Variants in HIRA observed in about 807,000 individuals in gnomAD.
HIRA encodes the protein histone cell cycle regulator.
HIRA carries 13 observed loss-of-function variants against 126.6 expected under a neutral mutation model. The ratio of observed to expected loss-of-function variants is 0.10; its 90% CI spans 0.07 to 0.16. HIRA has a LOEUF of 0.16. Ranked by LOEUF, HIRA falls within the 10% of genes least tolerant of loss-of-function variation. The probability of loss-of-function intolerance (pLI) is 1.00; values close to 1 mark genes in which losing one functional copy is unlikely to be tolerated. For synonymous variants in HIRA, 511 were observed against 520.0 expected (o/e 0.98, Z 0.24); for missense variants, 834 against 1,314.4 (o/e 0.63, Z 5.65).
intron 2 of HIRA, among the ~76,000 whole-genome samples, chr22:19,410,512 A>G (rs2146244662): frequency 6.6e-6 from 1 of 152,384 alleles, no homozygotes; most frequent in African/African-American, 2.4e-5. Flanking sequence ...ATCCGCTGCC[A>G]AAATACTTAC....
chr22:19,391,408 T>C (rs1300105038), intron 9 of HIRA, among the ~76,000 whole-genome samples: 2 of 152,022 alleles, frequency 1.3e-5, no homozygotes, highest in African/African-American at 2.4e-5. Context: ...ATGACACTGG[T>C]GTGTAAACAT....
chr22:19,350,529 T>G (rs1166677815), intron 24 of HIRA, among the ~76,000 whole-genome samples: 1 of 152,244 alleles, frequency 6.6e-6, no homozygotes, highest in African/African-American at 2.4e-5. Context: ...TCAAATCTTA[T>G]TGGTTCTGCC....
In HIRA at chr22:19,431,570, A is replaced by G. The variant is rs8140291; in HGVS notation, c.-94T>C. On this transcript the variant is annotated 5_prime_UTR_variant, in exon 1 of 25. Transcript: ENST00000263208. ...CACCGCCGCCGCTTCCTCCCGCGCC[A>G]CCCGCCCTCCGGCCGCCGCCCGCCC... 989,029 of 989,298 alleles carry G rather than the reference A, an allele frequency of 1. 494,380 individuals carry two copies. The highest frequency in any genetic ancestry group is 1 in the East Asian group (10,020 of 10,020). The allele number at this position is 989,298 out of a possible 1,614,324, so 61.3% of individuals were successfully genotyped here. A position where few individuals can be genotyped will look rare whatever the true frequency, so the allele number is the denominator to read the frequency against.
chr22:19,349,428 A>G (rs2088729958), intron 24 of HIRA, among the ~76,000 whole-genome samples: 1 of 152,160 alleles, frequency 6.6e-6, no homozygotes, highest in African/African-American at 2.4e-5. Flanking sequence ...AAAAGAGAGG[A>G]TATTACATCT....
At chr22:19,383,126 G>T (rs2089091599) in intron 13 of HIRA, among the ~76,000 whole-genome samples, 1 of 152,054 alleles carries the variant, frequency 6.6e-6, no homozygotes, top group African/African-American at 2.4e-5. Flanking sequence ...GGATGAATGG[G>T]CATGAAACAG....
In HIRA at chr22:19,354,114, G is replaced by T; in HGVS notation, c.2566C>A (p.Leu856Met). 1 of 1,612,648 alleles carries T rather than the reference G, an allele frequency of 6.2e-7. No homozygotes were observed. Among genetic ancestry groups the T allele is most frequent in the Non-Finnish European group, 8.5e-7 (1 of 1,179,372 alleles). The change falls in exon 22 of 25, where the codon CTG becomes ATG. Residue 856 changes from leucine to methionine, a missense_variant. Around this residue, in one of 5 missense-constraint regions of HIRA, gnomAD observed 468 missense variants for 574.2 expected, o/e 0.82. Coordinates refer to ENST00000263208, the MANE Select transcript of HIRA (RefSeq NM_003325.4). ...CFNPSLSTWN[L>M]VSDKQDSLAQ... Reference sequence around the variant, plus strand: ...AGTGAGTCCTGCTTGTCAGAAACCAGGTTCCTGGGGAGGCAAAGGCAGGAG... The same window carrying T: ...AGTGAGTCCTGCTTGTCAGAAACCATGTTCCTGGGGAGGCAAAGGCAGGAG...
intron 1 of HIRA, among the ~76,000 whole-genome samples, chr22:19,416,444 C>G (rs1167605091): frequency 1.3e-5 from 2 of 152,104 alleles, no homozygotes; most frequent in Admixed American, 1.3e-4. Flanking sequence ...CCACCTCAGT[C>G]TCCTGAGTAG....
At chr22:19,372,630 G>T (rs936561463) in intron 15 of HIRA, among the ~76,000 whole-genome samples, 39 of 148,520 alleles carry the variant, frequency 2.6e-4, no homozygotes, top group African/African-American at 8.7e-4. Context: ...GGAGTGAAGT[G>T]GCGTGATCTC....
chr22:19,345,616 A>G (rs2088678089), intron 24 of HIRA, among the ~76,000 whole-genome samples: 1 of 152,212 alleles, frequency 6.6e-6, no homozygotes, highest in African/African-American at 2.4e-5. Flanking sequence ...TTAGATTCTC[A>G]TAAGGAGCAC....
intron 17 of HIRA, 92 bp downstream of exon 17, chr22:19,361,145 C>CGTATCATTAAA: frequency 9.9e-7 from 1 of 1,006,506 alleles, no homozygotes. Flanking sequence ...AACCAATCTC[C>CGTATCATTAAA]AAGGAAGTGA....
At chr22:19,390,845 G>A (rs1306970227) in intron 9 of HIRA, among the ~76,000 whole-genome samples, 2 of 152,056 alleles carry the variant, frequency 1.3e-5, no homozygotes, top group Non-Finnish European at 2.9e-5. Flanking sequence ...GGTAGAAACT[G>A]CCAGACAGTT....
In HIRA at chr22:19,351,377, T is replaced by C. The variant is rs781795808; in HGVS notation, c.2918A>G (p.Gln973Arg). 1.2e-6 allele frequency: 2 copies of C among 1,612,900 alleles called. No individual in the cohort carries two copies. Among genetic ancestry groups the C allele is most frequent in the Non-Finnish European group, 1.7e-6 (2 of 1,179,476 alleles). ...ACCTACCACTACTGTTGACTCCCAC[T>C]GGCTTCCAGTGGAGTAGTGAACCGG... ...LGPVHYSTGS[Q>R]WESTVVGLRK... The change falls in exon 24 of 25, where the codon CAG becomes CGG. Residue 973 changes from glutamine to arginine, a missense_variant. By Grantham distance (43) the Gln-to-Arg change is conservative (BLOSUM62 1). This residue lies in a region of HIRA where 58 missense variants were observed against 114.5 expected (regional missense o/e 0.51). Coordinates refer to ENST00000263208, the MANE Select transcript of HIRA (RefSeq NM_003325.4). The surrounding 1 kb of genome is among the most constrained non-coding windows in gnomAD (Gnocchi z 4.8).
intron 8 of HIRA, 81 bp from the exon 9 acceptor site, chr22:19,392,295 G>A: frequency 1.3e-6 from 1 of 779,188 alleles, no homozygotes; most frequent in Admixed American, 2.2e-5. Context: ...GCCCACTGAA[G>A]GGAGTCTCCC....
chr22:19,411,933 G>A lies in HIRA; in HGVS notation c.38-1155C>T, dbSNP rs141275732. Among the ~76,000 whole-genome samples, 31 of 152,328 alleles carry A rather than the reference G, an allele frequency of 2.0e-4. No individual in the cohort carries two copies. In the East Asian group the frequency reaches 6.0e-3, roughly 29 times the overall value. On this transcript the variant is annotated intron_variant, in intron 1 of 24. Coordinates refer to ENST00000263208, the MANE Select transcript of HIRA (RefSeq NM_003325.4). Reference sequence around the variant, plus strand: ...GCCCAAAAGGCACTGCCCAGCATGGGACCCAGGCAGCACCCAGCTGTGGAG... The same window carrying A: ...GCCCAAAAGGCACTGCCCAGCATGGAACCCAGGCAGCACCCAGCTGTGGAG...
chr22:19,418,403 T>G (rs1260285071), intron 1 of HIRA, among the ~76,000 whole-genome samples: 1 of 151,720 alleles, frequency 6.6e-6, no homozygotes, highest in Non-Finnish European at 1.5e-5. Flanking sequence ...GGCGGGTGGA[T>G]CATGAGGTCA....
intron 15 of HIRA, among the ~76,000 whole-genome samples, chr22:19,371,769 T>C (rs1443517738): frequency 6.6e-6 from 1 of 152,232 alleles, no homozygotes; most frequent in Admixed American, 6.5e-5. Flanking sequence ...ATAATGTCTT[T>C]AAGGTTTATC....
At chr22:19,333,278 A>G (rs1281074574) in intron 24 of HIRA, among the ~76,000 whole-genome samples, 2 of 152,220 alleles carry the variant, frequency 1.3e-5, no homozygotes, top group African/African-American at 2.4e-5. Context: ...GAGAAAGCTT[A>G]AAGAAATAAT....
At position 19,356,883 on chromosome 22, in the gene HIRA, C is replaced by A. The variant is rs2088817361; in HGVS notation, c.2396+7G>T. 3.1e-6 allele frequency: 5 copies of A among 1,608,810 alleles called. No homozygotes were observed. The highest frequency in any genetic ancestry group is 1.7e-4 in the Middle Eastern group (1 of 6,038). The stretch of plus-strand genomic sequence containing the variant: ...GAAGCCCACCCCACCCTGTGCCTGC[C>A]TCTCACCAGACAGAGAGTGTGGCTG... On this transcript the variant is annotated splice_region_variant and intron_variant, in intron 19 of 24. Coordinates refer to ENST00000263208, the MANE Select transcript of HIRA (RefSeq NM_003325.4).
At chr22:19,384,381 C>T (rs1330052688) in intron 12 of HIRA, among the ~76,000 whole-genome samples, 3 of 149,440 alleles carry the variant, frequency 2.0e-5, no homozygotes, top group Admixed American at 1.3e-4. Flanking sequence ...CTGTGTCTGG[C>T]TTATCATTAA....
Sources: gnomAD v4.1 joint callset for allele counts (sites outside exome capture counted in the v4.1 genomes callset) on GRCh38, gnomAD v4.1.1 for gene constraint, gnomAD v4.1.1 regional missense constraint, Gnocchi (gnomAD v3.1) non-coding constraint, MANE v1.5 for transcripts, NCBI Gene and HGNC (gene_info 2026-07-23, HGNC 2026-07-21) for gene names.